The following NDST3 variants were observed in gnomAD, a reference collection of about 807,000 sequenced individuals.
The protein encoded by NDST3 is N-deacetylase and N-sulfotransferase 3.
A neutral mutation model predicts 96.1 loss-of-function variants in NDST3; 58 were observed. That is an observed-to-expected ratio of 0.60 (90% confidence interval 0.49 to 0.75). The LOEUF (loss-of-function observed/expected upper bound fraction) is 0.75, where lower values mean the gene tolerates loss of function less well. NDST3 is among the 30% of genes least tolerant of loss of function. NDST3 has a pLI of 0.00. For missense variants in NDST3, 788 were observed against 1,034.2 expected (o/e 0.76, Z 3.27); for synonymous variants, 333 against 359.7 (o/e 0.93, Z 0.84).
At chr4:118,141,983 A>T (rs1273672583) in intron 5 of NDST3, among the ~76,000 whole-genome samples, 1 of 152,174 alleles carries the variant, frequency 6.6e-6, no homozygotes, top group African/African-American at 2.4e-5. Flanking sequence ...TTTGTTAAAT[A>T]AATGAATAAA....
intron 6 of NDST3, 80 bp from the exon 7 acceptor site, chr4:118,224,411 A>T (rs1311698360): frequency 2.2e-6 from 3 of 1,344,340 alleles, no homozygotes; most frequent in African/African-American, 2.9e-5. Flanking sequence ...TAAGGAAAAA[A>T]ACTAGCATGG....
At chr4:118,210,192 G>C (rs1338062779) in intron 6 of NDST3, among the ~76,000 whole-genome samples, 1 of 152,040 alleles carries the variant, frequency 6.6e-6, no homozygotes, top group Non-Finnish European at 1.5e-5. Context: ...AGAACAGAGG[G>C]GTCATTGCCT....
chr4:118,062,322 C>T (rs933698535), intron 2 of NDST3, among the ~76,000 whole-genome samples: 2 of 152,098 alleles, frequency 1.3e-5, no homozygotes, highest in African/African-American at 2.4e-5. Flanking sequence ...CATTGCTGCT[C>T]ACACTGGGAA....
At position 118,205,724 on chromosome 4, in the gene NDST3, T is replaced by C. The variant is rs1214086789; in HGVS notation, c.1540-18767T>C. 8.3e-5 allele frequency among the ~76,000 whole-genome samples: 12 copies of C among 144,660 alleles called. 1 individual carries two copies. Among genetic ancestry groups the C allele is most frequent in the Admixed American group, 8.2e-4 (12 of 14,628 alleles). 94.9% of individuals were successfully genotyped at this position (144,660 alleles called of 152,430 possible). A position where few individuals can be genotyped will look rare whatever the true frequency, so the allele number is the denominator to read the frequency against. The stretch of plus-strand genomic sequence containing the variant: ...ATCCTGATCAACTCTTTACTAGTTA[T>C]ATGGCTTGTCTGACTGTAAAGTGGA... On this transcript the variant is annotated intron_variant, in intron 6 of 13. Transcript: ENST00000296499.
chr4:118,080,656 G>T (rs1727936667), intron 2 of NDST3, among the ~76,000 whole-genome samples: 1 of 152,060 alleles, frequency 6.6e-6, no homozygotes, highest in African/African-American at 2.4e-5. Context: ...GGTCCCTCAT[G>T]GTGATGTTAT....
At chr4:118,131,237 A>T (rs1400043511) in intron 4 of NDST3, among the ~76,000 whole-genome samples, 1 of 144,622 alleles carries the variant, frequency 6.9e-6, no homozygotes, top group Non-Finnish European at 1.5e-5. Flanking sequence ...TCTAGATCTT[A>T]TAGGTGTGCT....
At position 118,161,116 on chromosome 4, in the gene NDST3, G is replaced by A. The variant is rs149058927; in HGVS notation, c.1539+17432G>A. Among the ~76,000 whole-genome samples the A allele has an allele frequency of 5.1e-3, 780 of 152,340 alleles. 7 individuals carry two copies. The highest frequency in any genetic ancestry group is 0.018 in the African/African-American group (739 of 41,574). ...CAGGACCCTCAGCTAGAGGTCTGTT[G>A]GAGTTTGCTAGAGGTCCACTCCAGA... is the stretch of plus-strand genomic sequence containing the variant. On this transcript the variant is annotated intron_variant, in intron 6 of 13. Transcript: ENST00000296499.
chr4:118,193,438 T>C (rs1000521677), intron 6 of NDST3: 19 of 696,774 alleles, frequency 2.7e-5, no homozygotes, highest in Non-Finnish European at 4.3e-5. Context: ...ACTGGCTCTC[T>C]GTGGTGTTGC....
chr4:118,194,477 G>T (rs769683326), intron 6 of NDST3: 1 of 724,946 alleles, frequency 1.4e-6, no homozygotes, highest in Non-Finnish European at 2.6e-6. Flanking sequence ...GGCTGCTATG[G>T]CAATGTCCCA....
intron 6 of NDST3, among the ~76,000 whole-genome samples, chr4:118,196,661 T>G (rs1199514914): frequency 6.6e-6 from 1 of 152,158 alleles, no homozygotes. Flanking sequence ...CCAGAAATTA[T>G]CATATGAATT....
rs1391009759 is a variant in NDST3 at position 118,054,017 on chromosome 4, G to T, written c.107G>T (p.Gly36Val). 8 of 1,612,712 alleles carry T rather than the reference G, an allele frequency of 5.0e-6. No homozygotes were observed. The highest frequency in any genetic ancestry group is 5.9e-6 in the Non-Finnish European group (7 of 1,179,188). Residue 36 changes from glycine (G) to valine (V), a missense_variant, in exon 2 of 14, where the codon GGC becomes GTC. Physicochemically the swap from Gly to Val is moderately radical, Grantham distance 109 (BLOSUM62 -3). Coordinates refer to ENST00000296499, the MANE Select transcript of NDST3 (RefSeq NM_004784.3). ...ATTTCTGCTTACTACCTGTACAGTG[G>T]CTACAAACAGGAAAATGAACTCTCT... The part of the protein sequence containing the change: ...IIISAYYLYS[G>V]YKQENELSET...
In NDST3 at chr4:118,118,932, T is replaced by C. The variant is rs1731327818; in HGVS notation, c.1224+3972T>C. ...TAGTATATACTCTCAATTGAAGAACTGTATCTAAATTTTGGAAAATGGTGG... is the reference window on the plus strand; with the variant it reads ...TAGTATATACTCTCAATTGAAGAACCGTATCTAAATTTTGGAAAATGGTGG... On this transcript the variant is annotated intron_variant, in intron 4 of 13. Transcript: ENST00000296499. Among the ~76,000 whole-genome samples the C allele has an allele frequency of 2.6e-5, 4 of 152,190 alleles. No homozygotes were observed. In the South Asian group the frequency reaches 6.2e-4, roughly 24 times the overall value.
At chr4:118,033,983 C>G (rs1295026608), upstream of NDST3, 1 of 152,196 alleles carries the variant, frequency 6.6e-6, no homozygotes, top group Non-Finnish European at 1.5e-5. Flanking sequence ...AATGCGGACT[C>G]CAGAGGCGGC....
At chr4:118,239,598 T>C (rs994990900) in intron 10 of NDST3, among the ~76,000 whole-genome samples, 2 of 152,186 alleles carry the variant, frequency 1.3e-5, no homozygotes, top group African/African-American at 4.8e-5. Context: ...AAATTGGAGC[T>C]TGGCAACCAC....
At chr4:118,126,860 G>A (rs1578687478) in intron 4 of NDST3, among the ~76,000 whole-genome samples, 1 of 151,858 alleles carries the variant, frequency 6.6e-6, no homozygotes. Flanking sequence ...ATTTGTTGTT[G>A]CCTGTCTTTT....
chr4:118,188,924 T>G (rs1056338810), intron 6 of NDST3, among the ~76,000 whole-genome samples: 2 of 152,180 alleles, frequency 1.3e-5, no homozygotes, highest in African/African-American at 2.4e-5. Flanking sequence ...ACAAGGAAAT[T>G]TGGTTATTTC....
rs1039136138 is a variant in NDST3, at chr4:118,136,597, T to C, written c.1225-1457T>C. 3.7e-4 allele frequency among the ~76,000 whole-genome samples: 57 copies of C among 152,094 alleles called. 1 individual carries two copies. Among genetic ancestry groups the C allele is most frequent in the African/African-American group, 1.4e-3 (57 of 41,406 alleles). ...ATTTCTGCAAATGATGCAAATAAAA[T>C]GAAGAATATGAAACTTTACCTCTCA... On this transcript the variant is annotated intron_variant, in intron 4 of 13. Coordinates refer to ENST00000296499, the MANE Select transcript of NDST3 (RefSeq NM_004784.3).
intron 4 of NDST3, among the ~76,000 whole-genome samples, chr4:118,124,942 C>T (rs1731919956): frequency 6.6e-6 from 1 of 152,032 alleles, no homozygotes. Context: ...TTTCTGGATC[C>T]ATAGGAATAT....
At chr4:118,142,987 T>C (rs1266601390) in intron 5 of NDST3, among the ~76,000 whole-genome samples, 1 of 152,152 alleles carries the variant, frequency 6.6e-6, no homozygotes, top group Non-Finnish European at 1.5e-5. Flanking sequence ...GCTTCACACT[T>C]AGAATCTGAG....
Sources: allele counts gnomAD v4.1 joint callset (sites outside exome capture counted in the v4.1 genomes callset), GRCh38; gene constraint gnomAD v4.1.1; transcripts MANE v1.5; gene names NCBI Gene and HGNC (gene_info 2026-07-23, HGNC 2026-07-21).